MUCL1: variants seen among roughly 807,000 people sequenced by gnomAD.
MUCL1 encodes the protein mucin like 1.
Under a neutral mutation model 9.2 loss-of-function variants are expected in MUCL1, and 11 were observed. That is an observed-to-expected ratio of 1.19 (90% CI 0.75 to 1.97). The LOEUF (loss-of-function observed/expected upper bound fraction) is 1.97, where lower values mean the gene tolerates loss of function less well. MUCL1 is among the 30% of genes most tolerant of loss of function. The pLI is 0.00. For synonymous variants in MUCL1, 48 were observed against 40.5 expected, an observed-to-expected ratio of 1.19 and a Z score of -0.71; for missense variants, 144 against 110.9, an observed-to-expected ratio of 1.30 and a Z score of -1.34.
At chr12:54,855,249 C>A in intron 2 of MUCL1, 92 bp downstream of exon 2, 2 of 1,161,212 alleles carry the variant, frequency 1.7e-6, no homozygotes, top group Non-Finnish European at 2.6e-6. Flanking sequence ...TGTGGATAGT[C>A]TTTGTTATAA....
Position 54,858,275 on chromosome 12 carries a change from CACA to C in MUCL1, c.*36_*38del, listed in dbSNP as rs774459388. On this transcript the variant is annotated 3_prime_UTR_variant, in exon 4 of 4. Transcript: ENST00000308796. ...TCAGCTTGAGTCTTCTGCAATTGGTCACAACTATTCATGCTTCCTGTGATTTCA... is the reference window on the plus strand; with the variant it reads ...TCAGCTTGAGTCTTCTGCAATTGGTCACTATTCATGCTTCCTGTGATTTCA... 6.2e-7 allele frequency: 1 copy of C among 1,612,010 alleles called. No individual in the cohort carries two copies. Among genetic ancestry groups the C allele is most frequent in the Non-Finnish European group, 8.5e-7 (1 of 1,178,322 alleles).
intron 1 of MUCL1, among the ~76,000 whole-genome samples, chr12:54,847,170 CT>C (rs1959269142): frequency 6.6e-6 from 1 of 152,178 alleles, no homozygotes; most frequent in Non-Finnish European, 1.5e-5. Context: ...TTCCTTCTTT[CT>C]TTTCCTCTAG....
chr12:54,851,346 T>C, upstream of MUCL1, among the ~76,000 whole-genome samples: 1 of 152,176 alleles, frequency 6.6e-6, no homozygotes, highest in East Asian at 1.9e-4. Context: ...GATGCAAGGC[T>C]GGTTAACATA....
upstream of MUCL1, among the ~76,000 whole-genome samples, chr12:54,850,608 TG>T (rs1959323978): frequency 6.6e-6 from 1 of 151,830 alleles, no homozygotes; most frequent in South Asian, 2.1e-4. Flanking sequence ...TGAATAGTGC[TG>T]CAATAAACAT....
At chr12:54,841,926 G>C (rs1959214218) in intron 1 of MUCL1, among the ~76,000 whole-genome samples, 1 of 152,100 alleles carries the variant, frequency 6.6e-6, no homozygotes, top group Non-Finnish European at 1.5e-5. Flanking sequence ...TCTTCTTGGA[G>C]TTTTACAGTT....
upstream of MUCL1, among the ~76,000 whole-genome samples, chr12:54,851,392 A>G (rs1305069286): frequency 1.3e-5 from 2 of 152,216 alleles, no homozygotes; most frequent in African/African-American, 4.8e-5. Context: ...ATATAAACAG[A>G]ACCAAAGACA....
chr12:54,842,400 GT>G (rs1318630495), intron 1 of MUCL1, among the ~76,000 whole-genome samples: 4 of 151,892 alleles, frequency 2.6e-5, no homozygotes, highest in African/African-American at 9.7e-5. Flanking sequence ...GACAAAAATT[GT>G]TTATGTTTAT....
chr12:54,834,046 T>C (rs1026742807), intron 1 of MUCL1, among the ~76,000 whole-genome samples: 1 of 152,154 alleles, frequency 6.6e-6, no homozygotes, highest in Non-Finnish European at 1.5e-5. Flanking sequence ...GTGGCTTGAA[T>C]AGTGATTTGG....
upstream of MUCL1, among the ~76,000 whole-genome samples, chr12:54,836,300 A>G (rs1565774146): frequency 6.6e-6 from 1 of 152,012 alleles, no homozygotes; most frequent in Non-Finnish European, 1.5e-5. Flanking sequence ...CAGGATTTCT[A>G]TTTCTTCCTG....
chr12:54,832,817 C>T (rs1439643382), intron 1 of MUCL1, among the ~76,000 whole-genome samples: 1 of 151,894 alleles, frequency 6.6e-6, no homozygotes, highest in Non-Finnish European at 1.5e-5. Flanking sequence ...GCTTAACCTT[C>T]CCTAGGTTAC....
intron 1 of MUCL1, among the ~76,000 whole-genome samples, chr12:54,843,780 C>T (rs1014786566): frequency 6.6e-6 from 1 of 152,198 alleles, no homozygotes; most frequent in Non-Finnish European, 1.5e-5. Context: ...AGAAAGAATG[C>T]AACCCTTGAT....
chr12:54,839,547 G>A, intron 1 of MUCL1: 2 of 698,682 alleles, frequency 2.9e-6, no homozygotes, highest in South Asian at 1.5e-5. Flanking sequence ...TTTCATTGGG[G>A]TAGGGAGGGA....
At chr12:54,835,603 ATTG>A (rs1350303775), upstream of MUCL1, among the ~76,000 whole-genome samples, 7 of 43,532 alleles carry the variant, frequency 1.6e-4, no homozygotes, top group African/African-American at 7.1e-4. Flanking sequence ...TTTTGATGGG[ATTG>A]TTTTTTTTTT....
Position 54,856,824 on chromosome 12 carries a change from C to T in MUCL1, c.155C>T (p.Thr52Ile). 6.2e-7 allele frequency: 1 copy of T among 1,612,168 alleles called. No individual in the cohort carries two copies. The highest frequency in any genetic ancestry group is 8.5e-7 in the Non-Finnish European group (1 of 1,178,568). Residue 52 changes from threonine (T) to isoleucine (I), a missense_variant, in exon 3 of 4, where the codon ACT (threonine) becomes ATT (isoleucine). Thr to Ile is a moderately conservative substitution (Grantham distance 89, BLOSUM62 -1). Coordinates refer to ENST00000308796, the MANE Select transcript of MUCL1 (RefSeq NM_058173.3). ...GCTGAAACCACTGCTGCTGCAACCA[C>T]TGCAACCACTGCTGCTCCTACCACT... The part of the protein sequence containing the change: ...PDAETTAAAT[T>I]ATTAAPTTAT...
chr12:54,831,516 C>T (rs1481133277), intron 1 of MUCL1, among the ~76,000 whole-genome samples: 3 of 152,008 alleles, frequency 2.0e-5, no homozygotes, highest in Non-Finnish European at 4.4e-5. Flanking sequence ...GGGGAAATAA[C>T]TTGAGATGAT....
intron 3 of MUCL1, among the ~76,000 whole-genome samples, chr12:54,857,968 C>T (rs560422608): frequency 1.3e-5 from 2 of 152,276 alleles, no homozygotes; most frequent in East Asian, 3.9e-4. Context: ...CTAGTTCTCT[C>T]TAAAGTTCCA....
chr12:54,841,794 G>T (rs1024532287), intron 1 of MUCL1, among the ~76,000 whole-genome samples: 3 of 152,046 alleles, frequency 2.0e-5, no homozygotes, highest in Non-Finnish European at 4.4e-5. Flanking sequence ...TTCCTTTGCT[G>T]TGCAGAAGCT....
rs1868305154 is a variant in MUCL1 at position 54,856,908 on chromosome 12, C to T, written c.223+16C>T. The T allele has an allele frequency of 1.9e-6, 3 of 1,613,504 alleles. No homozygotes were observed. Among genetic ancestry groups the T allele is most frequent in the Admixed American group, 1.7e-5 (1 of 59,958 alleles). ...GACATTCCAGGTAGCAAGACTCCTCCATCTGTGTGCTTCCTTTATGTGGCT... is the reference window on the plus strand; with the variant it reads ...GACATTCCAGGTAGCAAGACTCCTCTATCTGTGTGCTTCCTTTATGTGGCT... On this transcript the variant is annotated intron_variant, in intron 3 of 3. Coordinates refer to ENST00000308796, the MANE Select transcript of MUCL1 (RefSeq NM_058173.3).
rs567211964 is a variant in MUCL1 at position 54,847,830 on chromosome 12, G to A, written c.44-7286G>A. Among the ~76,000 whole-genome samples, 4 of 152,128 alleles carry A rather than the reference G, an allele frequency of 2.6e-5. No individual in the cohort carries two copies. In the South Asian group the frequency reaches 6.2e-4, roughly 24 times the overall value. On this transcript the variant is annotated intron_variant, in intron 1 of 3. Coordinates refer to the MUCL1 transcript ENST00000546809. ...AAGTATGACAGAAGTTACGGGTCATGCATTGAAGAAACATGCTGTGTCTAT... is the reference window on the plus strand; with the variant it reads ...AAGTATGACAGAAGTTACGGGTCATACATTGAAGAAACATGCTGTGTCTAT...
Sources: gnomAD v4.1 joint callset for allele counts (sites outside exome capture counted in the v4.1 genomes callset) on GRCh38, gnomAD v4.1.1 for gene constraint, MANE v1.5 for transcripts, NCBI Gene and HGNC (gene_info 2026-07-23, HGNC 2026-07-21) for gene names.